MYO1B: variants seen among roughly 807,000 people sequenced by gnomAD.
The protein encoded by MYO1B is unconventional myosin-Ib.
MYO1B carries 72 observed loss-of-function variants against 159.7 expected under a neutral mutation model. The ratio of observed to expected loss-of-function variants is 0.45; its 90% CI spans 0.37 to 0.55. MYO1B has a LOEUF of 0.55. Among genes scored for constraint, MYO1B ranks in the 20% least tolerant of loss-of-function variants. MYO1B has a pLI of 0.00. For missense variants in MYO1B, 1,062 were observed against 1,364.8 expected, an observed-to-expected ratio of 0.78 and a Z score of 3.50; for synonymous variants, 468 against 473.8, an observed-to-expected ratio of 0.99 and a Z score of 0.16.
intron 1 of MYO1B, among the ~76,000 whole-genome samples, chr2:191,275,480 G>C (rs553555302): frequency 6.6e-6 from 1 of 152,152 alleles, no homozygotes; most frequent in Admixed American, 6.5e-5. Flanking sequence ...GCCCTTCCTA[G>C]TTCTCTTTAA....
intron 6 of MYO1B, among the ~76,000 whole-genome samples, 185 bp from the exon 7 acceptor site, chr2:191,349,977 G>A (rs999628002): frequency 1.3e-5 from 2 of 152,078 alleles, no homozygotes; most frequent in Admixed American, 6.6e-5. Flanking sequence ...GAACTAATGG[G>A]GTATTTAGTA....
intron 1 of MYO1B, among the ~76,000 whole-genome samples, chr2:191,261,326 T>C (rs1446889917): frequency 6.6e-6 from 1 of 152,250 alleles, no homozygotes; most frequent in Non-Finnish European, 1.5e-5. Context: ...TGAATTTCCA[T>C]AAATGACTGC....
At chr2:191,247,017 G>A (rs191597524) in intron 1 of MYO1B, among the ~76,000 whole-genome samples, 2 of 152,338 alleles carry the variant, frequency 1.3e-5, no homozygotes, top group East Asian at 1.9e-4. Context: ...CTCGCCAAAG[G>A]ATTGGCTGAC....
At chr2:191,284,410 GA>G (rs1688243309) in intron 2 of MYO1B, among the ~76,000 whole-genome samples, 1 of 152,190 alleles carries the variant, frequency 6.6e-6, no homozygotes. Context: ...AGACCTGTTT[GA>G]ACCTTGGTGA....
chr2:191,324,151 T>C (rs570940071), intron 3 of MYO1B, among the ~76,000 whole-genome samples: 2 of 152,292 alleles, frequency 1.3e-5, no homozygotes, highest in African/African-American at 4.8e-5. Flanking sequence ...TTAAATGTCA[T>C]TCCTGTAGGC....
chr2:191,364,335 T>C lies in MYO1B; in HGVS notation c.1032+59T>C, dbSNP rs149863051. 1,254 of 1,361,906 alleles carry C rather than the reference T, an allele frequency of 9.2e-4. 14 individuals are homozygous for C. The East Asian group carries it at 0.021, about 23-fold the overall frequency. The allele number at this position is 1,361,906 out of a possible 1,614,324, so 84.4% of individuals were successfully genotyped here. ...TTAAAAGTCTGTGCTAATTTTCATA[T>C]AAGTATAAACAAAGATTTTAGTTTA... is the stretch of plus-strand genomic sequence containing the variant. On this transcript the variant is annotated intron_variant, in intron 11 of 30. Transcript: ENST00000392318.
At chr2:191,352,782 G>T (rs1693005329) in intron 7 of MYO1B, among the ~76,000 whole-genome samples, 1 of 152,192 alleles carries the variant, frequency 6.6e-6, no homozygotes, top group South Asian at 2.1e-4. Flanking sequence ...TGACTCATCG[G>T]TGGTCACTGG....
At chr2:191,368,405 A>C (rs1170169644) in intron 11 of MYO1B, among the ~76,000 whole-genome samples, 1 of 152,136 alleles carries the variant, frequency 6.6e-6, no homozygotes, top group East Asian at 1.9e-4. Context: ...CCCAACCTCC[A>C]GGCCTCCCCA....
At chr2:191,354,999 A>T (rs1693179041) in intron 7 of MYO1B, among the ~76,000 whole-genome samples, 1 of 152,190 alleles carries the variant, frequency 6.6e-6, no homozygotes, top group South Asian at 2.1e-4. Flanking sequence ...TCAAAGCTTG[A>T]CTGGGAGATT....
Position 191,414,520 on chromosome 2 carries a change from A to G in MYO1B, c.3010A>G (p.Thr1004Ala), listed in dbSNP as rs115578808. The G allele has an allele frequency of 6.2e-7, 1 of 1,606,482 alleles. No homozygotes were observed. Among genetic ancestry groups the G allele is most frequent in the Non-Finnish European group, 8.5e-7 (1 of 1,177,324 alleles). The change falls in exon 29 of 31, where the codon ACA becomes GCA. Residue 1004 changes from threonine to alanine, a missense_variant. By Grantham distance (58) the Thr-to-Ala change is moderately conservative. Coordinates refer to ENST00000392318, the MANE Select transcript of MYO1B (RefSeq NM_001130158.3). ...ACTATTTTTTATTTTGATTTAGAGT[A>G]CATCTCGGATTTTCCTCTTAACAAA... ...NKINRANGKS[T>A]SRIFLLTNNN...
At chr2:191,307,880 C>T (rs563773691) in intron 3 of MYO1B, among the ~76,000 whole-genome samples, 7 of 152,242 alleles carry the variant, frequency 4.6e-5, no homozygotes, top group East Asian at 3.9e-4. Flanking sequence ...GCAGAGGGCA[C>T]GGTGGGGGTG....
At chr2:191,386,636 G>A (rs1695415263) in intron 16 of MYO1B, among the ~76,000 whole-genome samples, 1 of 152,020 alleles carries the variant, frequency 6.6e-6, no homozygotes, top group Admixed American at 6.5e-5. Flanking sequence ...ATTGATTAGA[G>A]CTAATACTTC....
intron 2 of MYO1B, among the ~76,000 whole-genome samples, chr2:191,293,252 T>C (rs1688787470): frequency 6.6e-6 from 1 of 152,180 alleles, no homozygotes; most frequent in African/African-American, 2.4e-5. Context: ...AGTAACAAAG[T>C]CACATTTCAA....
chr2:191,420,213 CA>C (rs1049482204), intron 30 of MYO1B, among the ~76,000 whole-genome samples: 3 of 152,062 alleles, frequency 2.0e-5, no homozygotes, highest in Admixed American at 6.5e-5. Context: ...AAAAACAAAA[CA>C]AAAGTGTCAA....
intron 24 of MYO1B, 49 bp downstream of exon 24, chr2:191,402,767 T>G (rs745844623): frequency 1.4e-6 from 2 of 1,392,368 alleles, no homozygotes; most frequent in African/African-American, 2.9e-5. Flanking sequence ...TCATAAAGCC[T>G]AGCACCTACT....
At chr2:191,376,279 A>G (rs1028840701) in intron 13 of MYO1B, among the ~76,000 whole-genome samples, 2 of 152,156 alleles carry the variant, frequency 1.3e-5, no homozygotes, top group Non-Finnish European at 2.9e-5. Flanking sequence ...TGGTTTTCTC[A>G]TATATTTTGA....
intron 2 of MYO1B, among the ~76,000 whole-genome samples, chr2:191,290,282 C>T (rs777160039): frequency 6.6e-6 from 1 of 152,198 alleles, no homozygotes; most frequent in Non-Finnish European, 1.5e-5. Flanking sequence ...TGTTTCTCTG[C>T]TTGCAGAGGG....
intron 3 of MYO1B, among the ~76,000 whole-genome samples, chr2:191,328,446 A>G (rs1339048249): frequency 6.6e-6 from 1 of 152,212 alleles, no homozygotes; most frequent in Non-Finnish European, 1.5e-5. Context: ...CCCAGTGGTC[A>G]GTCGCAGGCG....
chr2:191,281,397 C>G (rs1688051959), intron 2 of MYO1B, among the ~76,000 whole-genome samples: 1 of 152,180 alleles, frequency 6.6e-6, no homozygotes, highest in African/African-American at 2.4e-5. Flanking sequence ...ATTCCTCCAT[C>G]TTGGCGGAGT....
Sources: gnomAD v4.1 joint callset for allele counts (sites outside exome capture counted in the v4.1 genomes callset) on GRCh38, gnomAD v4.1.1 for gene constraint, MANE v1.5 for transcripts, NCBI Gene and HGNC (gene_info 2026-07-23, HGNC 2026-07-21) for gene names.